FUT9: variants seen among roughly 807,000 people sequenced by gnomAD.
FUT9 encodes 4-galactosyl-N-acetylglucosaminide 3-alpha-L-fucosyltransferase 9.
Under a neutral mutation model 29.7 loss-of-function variants are expected in FUT9, and 15 were observed. That is an observed-to-expected ratio of 0.51 (90% CI 0.34 to 0.78). The LOEUF (loss-of-function observed/expected upper bound fraction) is 0.78. FUT9 is among the 30% of genes least tolerant of loss of function. The pLI, the probability that FUT9 is intolerant of heterozygous loss-of-function variation, is 0.01. For missense variants in FUT9, 319 were observed against 425.4 expected, an observed-to-expected ratio of 0.75 and a Z score of 2.20; for synonymous variants, 169 against 153.7, an observed-to-expected ratio of 1.10 and a Z score of -0.74.
At chr6:96,043,286 C>T (rs112066966) in intron 1 of FUT9, among the ~76,000 whole-genome samples, 3 of 107,002 alleles carry the variant, frequency 2.8e-5, no homozygotes, top group African/African-American at 1.4e-4. Context: ...CTCCTGACCT[C>T]GTGATCCTCT....
At chr6:96,078,877 A>T (rs1412194264) in intron 1 of FUT9, among the ~76,000 whole-genome samples, 2 of 152,000 alleles carry the variant, frequency 1.3e-5, no homozygotes, top group Non-Finnish European at 2.9e-5. Context: ...GTCTTTTTTC[A>T]TTGGGAGACA....
intron 2 of FUT9, among the ~76,000 whole-genome samples, chr6:96,162,144 T>C (rs1196365499): frequency 1.3e-5 from 2 of 152,190 alleles, no homozygotes; most frequent in African/African-American, 2.4e-5. Flanking sequence ...AAATTCTGTC[T>C]GTTAATTCCA....
chr6:96,054,558 T>C (rs1254824611), intron 1 of FUT9, among the ~76,000 whole-genome samples: 1 of 152,078 alleles, frequency 6.6e-6, no homozygotes, highest in Non-Finnish European at 1.5e-5. Flanking sequence ...GAAACACACA[T>C]GACCATTAAA....
intron 2 of FUT9, among the ~76,000 whole-genome samples, chr6:96,199,276 T>C (rs953257557): frequency 6.6e-6 from 1 of 152,062 alleles, no homozygotes; most frequent in African/African-American, 2.4e-5. Context: ...TCATGAGGAA[T>C]AGGTGAAAAG....
intron 2 of FUT9, among the ~76,000 whole-genome samples, chr6:96,139,258 G>A (rs147505149): frequency 3.1e-3 from 478 of 152,150 alleles, no homozygotes; most frequent in African/African-American, 0.011. Flanking sequence ...TTAAAGCTTC[G>A]AAAGACCTCC....
intron 2 of FUT9, among the ~76,000 whole-genome samples, chr6:96,120,712 C>CT (rs1772012703): frequency 2.2e-4 from 8 of 36,418 alleles, no homozygotes; most frequent in Non-Finnish European, 5.7e-4. Flanking sequence ...ACATTAAGCA[C>CT]ATTTTTTTTT....
intron 2 of FUT9, among the ~76,000 whole-genome samples, chr6:96,174,491 G>T (rs1773169478): frequency 6.6e-6 from 1 of 152,078 alleles, no homozygotes; most frequent in Non-Finnish European, 1.5e-5. Context: ...ATTATAGATT[G>T]GCACAGTCAT....
chr6:96,107,289 C>T (rs1437546869), intron 1 of FUT9, among the ~76,000 whole-genome samples: 1 of 152,190 alleles, frequency 6.6e-6, no homozygotes, highest in Non-Finnish European at 1.5e-5. Flanking sequence ...TTAGCCCCAA[C>T]AACCACAACA....
chr6:96,066,359 G>T (rs1770961811), intron 1 of FUT9, among the ~76,000 whole-genome samples: 2 of 151,904 alleles, frequency 1.3e-5, no homozygotes, highest in South Asian at 4.2e-4. Flanking sequence ...TAGAACTAAG[G>T]GGAATGATAA....
rs538116426 is a variant in FUT9 at position 96,040,378 on chromosome 6, A to C, written c.-98+24166A>C. 2.0e-5 allele frequency among the ~76,000 whole-genome samples: 3 copies of C among 152,346 alleles called. No individual in the cohort carries two copies. In the South Asian group the frequency reaches 6.2e-4, roughly 32 times the overall value. ...ACTGCTTATTAGCTAGTATTCCACA[A>C]GTGAAAAGGCATAAGAGTGCAAAAC... On this transcript the variant is annotated intron_variant, in intron 1 of 2. Coordinates refer to ENST00000302103, the MANE Select transcript of FUT9 (RefSeq NM_006581.4).
chr6:96,026,746 G>A (rs1770175748), intron 1 of FUT9, among the ~76,000 whole-genome samples: 1 of 151,538 alleles, frequency 6.6e-6, no homozygotes, highest in Admixed American at 6.6e-5. Flanking sequence ...CACTAGGCTT[G>A]GACACATGCC....
At chr6:96,158,395 T>G (rs1772830665) in intron 2 of FUT9, among the ~76,000 whole-genome samples, 2 of 152,128 alleles carry the variant, frequency 1.3e-5, no homozygotes, top group Non-Finnish European at 2.9e-5. Flanking sequence ...TATGTATGTG[T>G]GTGTATTTCC....
intron 2 of FUT9, among the ~76,000 whole-genome samples, chr6:96,138,286 A>G (rs78782270): frequency 0.011 from 1,661 of 152,296 alleles, 40 homozygotes; most frequent in African/African-American, 0.038. Context: ...ATGAGTCAGG[A>G]TGATCTTAGC....
chr6:96,063,510 G>A (rs867484369), intron 1 of FUT9, among the ~76,000 whole-genome samples: 12 of 152,086 alleles, frequency 7.9e-5, no homozygotes, highest in Admixed American at 2.0e-4. Flanking sequence ...AGCCATTCAG[G>A]GGCATTCGGG....
intron 1 of FUT9, among the ~76,000 whole-genome samples, chr6:96,062,128 G>T (rs531169870): frequency 6.6e-6 from 1 of 151,890 alleles, no homozygotes; most frequent in Non-Finnish European, 1.5e-5. Context: ...ACCATGGCAC[G>T]TATATACCTA....
chr6:96,020,406 T>C (rs1226672305), intron 1 of FUT9, among the ~76,000 whole-genome samples: 1 of 152,136 alleles, frequency 6.6e-6, no homozygotes, highest in Non-Finnish European at 1.5e-5. Context: ...CGTATCCATA[T>C]GTTTATTTAT....
intron 1 of FUT9, among the ~76,000 whole-genome samples, chr6:96,098,952 A>G (rs1771544075): frequency 1.3e-5 from 2 of 152,120 alleles, no homozygotes; most frequent in Admixed American, 1.3e-4. Flanking sequence ...TGTCTCTGTC[A>G]TAGTCTTTAC....
At chr6:96,062,032 T>C (rs1421875842) in intron 1 of FUT9, among the ~76,000 whole-genome samples, 1 of 152,210 alleles carries the variant, frequency 6.6e-6, no homozygotes, top group African/African-American at 2.4e-5. Context: ...TATTTTATTT[T>C]ATAACTATAC....
chr6:96,189,199 A>G lies in FUT9; in HGVS notation c.-8-13949A>G, dbSNP rs142952395. ...AGTGAAAAGGAATATATCAGTAAAGAGAGGAGGGAATCTGCTCCAGGGAGA... is the reference window on the plus strand; with the variant it reads ...AGTGAAAAGGAATATATCAGTAAAGGGAGGAGGGAATCTGCTCCAGGGAGA... On this transcript the variant is annotated intron_variant, in intron 2 of 2. Coordinates refer to ENST00000302103, the MANE Select transcript of FUT9 (RefSeq NM_006581.4). 2.2e-3 allele frequency among the ~76,000 whole-genome samples: 335 copies of G among 152,092 alleles called. 1 individual carries two copies. Among genetic ancestry groups the G allele is most frequent in the African/African-American group, 7.8e-3 (322 of 41,502 alleles).
Sources: gnomAD v4.1 joint callset for allele counts (sites outside exome capture counted in the v4.1 genomes callset) on GRCh38, gnomAD v4.1.1 for gene constraint, MANE v1.5 for transcripts, NCBI Gene and HGNC (gene_info 2026-07-23, HGNC 2026-07-21) for gene names.